Variants in AUTS2 observed in about 807,000 individuals in gnomAD.
The protein encoded by AUTS2 is autism susceptibility gene 2 protein.
AUTS2 carries 17 observed loss-of-function variants against 112.4 expected under a neutral mutation model. The observed-to-expected ratio is 0.15, with a 90% CI of 0.10 to 0.23. The LOEUF is 0.23. AUTS2 is among the 10% of genes least tolerant of loss of function. The pLI is 1.00. For synonymous variants in AUTS2, 751 were observed against 702.7 expected, an observed-to-expected ratio of 1.07 and a Z score of -1.09; for missense variants, 1,510 against 1,701.6, an observed-to-expected ratio of 0.89 and a Z score of 1.98.
chr7:69,799,321 A>G (rs1042095194), intron 1 of AUTS2, among the ~76,000 whole-genome samples: 2 of 152,170 alleles, frequency 1.3e-5, no homozygotes, highest in African/African-American at 4.8e-5. Flanking sequence ...ACCAATAGAC[A>G]TGGGGTCTGT....
At chr7:69,850,121 C>A (rs1792397190) in intron 1 of AUTS2, among the ~76,000 whole-genome samples, 1 of 151,586 alleles carries the variant, frequency 6.6e-6, no homozygotes, top group South Asian at 2.1e-4. Flanking sequence ...ATGGTGAAAC[C>A]CCATCTCTAC....
intron 5 of AUTS2, among the ~76,000 whole-genome samples, chr7:70,604,952 A>G (rs1419524501): frequency 6.6e-6 from 1 of 152,234 alleles, no homozygotes; most frequent in Non-Finnish European, 1.5e-5. Flanking sequence ...AATAAAAATC[A>G]GATTTCTTCA....
rs117955729 is a variant in AUTS2, at chr7:70,638,515, G to A, written c.691-60054G>A. Among the ~76,000 whole-genome samples, 733 of 151,906 alleles carry A rather than the reference G, an allele frequency of 4.8e-3. 3 individuals are homozygous for A. Among genetic ancestry groups the A allele is most frequent in the Non-Finnish European group, 7.4e-3 (505 of 67,956 alleles). On this transcript the variant is annotated intron_variant, in intron 5 of 18. Coordinates refer to ENST00000342771, the MANE Select transcript of AUTS2 (RefSeq NM_015570.4). ...CTTTTCAAGAATTATGCCGTCGTTGGCATTACAGTATTACACACATGCCTG... is the reference window on the plus strand; with the variant it reads ...CTTTTCAAGAATTATGCCGTCGTTGACATTACAGTATTACACACATGCCTG...
chr7:69,805,924 G>T (rs1243314398), intron 1 of AUTS2, among the ~76,000 whole-genome samples: 6 of 151,832 alleles, frequency 4.0e-5, no homozygotes, highest in Non-Finnish European at 8.8e-5. Flanking sequence ...TTTGAGACAG[G>T]GTCTTACTCT....
intron 2 of AUTS2, among the ~76,000 whole-genome samples, chr7:70,099,237 C>T (rs1359153643): frequency 6.6e-6 from 1 of 152,152 alleles, no homozygotes; most frequent in Non-Finnish European, 1.5e-5. Flanking sequence ...GAATCTGGTA[C>T]ATGTTCTTGT....
At chr7:70,762,431 T>C (rs1789624199) in intron 6 of AUTS2, among the ~76,000 whole-genome samples, 1 of 151,538 alleles carries the variant, frequency 6.6e-6, no homozygotes, top group South Asian at 2.1e-4. Flanking sequence ...CCACCACACC[T>C]GGCTAATTTT....
chr7:70,276,028 A>G (rs1181720051), intron 4 of AUTS2, among the ~76,000 whole-genome samples: 1 of 152,158 alleles, frequency 6.6e-6, no homozygotes, highest in East Asian at 1.9e-4. Context: ...CTCTGCCTCC[A>G]TCTCTGTAGC....
intron 4 of AUTS2, among the ~76,000 whole-genome samples, chr7:70,265,205 A>G (rs1787359513): frequency 6.6e-6 from 1 of 152,214 alleles, no homozygotes; most frequent in African/African-American, 2.4e-5. Flanking sequence ...TTATAGGTGA[A>G]GCAATGACTT....
intron 4 of AUTS2, among the ~76,000 whole-genome samples, chr7:70,324,075 C>T (rs573448100): frequency 6.6e-6 from 1 of 152,288 alleles, no homozygotes; most frequent in South Asian, 2.1e-4. Flanking sequence ...TGTTGACACT[C>T]AGATTTGGTT....
At chr7:70,207,525 C>T (rs1467425263) in intron 4 of AUTS2, among the ~76,000 whole-genome samples, 1 of 152,148 alleles carries the variant, frequency 6.6e-6, no homozygotes, top group Non-Finnish European at 1.5e-5. Context: ...TAGAATCAGA[C>T]CATTGAGGAT....
At chr7:69,622,068 T>A (rs1793693594) in intron 1 of AUTS2, among the ~76,000 whole-genome samples, 1 of 152,218 alleles carries the variant, frequency 6.6e-6, no homozygotes, top group Non-Finnish European at 1.5e-5. Context: ...GCCTTGATTC[T>A]TGGTGTTTTA....
chr7:70,294,937 T>C (rs1038629425), intron 4 of AUTS2, among the ~76,000 whole-genome samples: 5 of 151,756 alleles, frequency 3.3e-5, no homozygotes, highest in African/African-American at 1.2e-4. Flanking sequence ...TTATAGATCA[T>C]GAAGACATAG....
At chr7:70,564,380 A>G (rs1439355396) in intron 5 of AUTS2, among the ~76,000 whole-genome samples, 1 of 152,208 alleles carries the variant, frequency 6.6e-6, no homozygotes, top group Non-Finnish European at 1.5e-5. Context: ...CCCAGCACAT[A>G]AAAATATATC....
At chr7:69,924,923 G>C (rs1795949297) in intron 2 of AUTS2, among the ~76,000 whole-genome samples, 2 of 152,182 alleles carry the variant, frequency 1.3e-5, no homozygotes, top group African/African-American at 4.8e-5. Context: ...TCTTTCTGTG[G>C]AAAGGTTTTA....
chr7:70,727,092 A>T (rs1787080435), intron 6 of AUTS2, among the ~76,000 whole-genome samples: 1 of 152,158 alleles, frequency 6.6e-6, no homozygotes, highest in Non-Finnish European at 1.5e-5. Context: ...AACATCGGTA[A>T]TGTAACTTTC....
intron 5 of AUTS2, among the ~76,000 whole-genome samples, chr7:70,471,802 G>A (rs528767595): frequency 4.6e-5 from 7 of 152,086 alleles, no homozygotes; most frequent in East Asian, 3.9e-4. Context: ...ATGTGGATCC[G>A]GTGGGTGTAT....
chr7:69,897,282 G>A (rs1794788703), intron 1 of AUTS2, among the ~76,000 whole-genome samples: 1 of 152,200 alleles, frequency 6.6e-6, no homozygotes, highest in African/African-American at 2.4e-5. Flanking sequence ...GCGTTAGTTT[G>A]TCCAGGCTGC....
At chr7:70,659,705 C>CT (rs1806968302) in intron 5 of AUTS2, among the ~76,000 whole-genome samples, 1 of 152,184 alleles carries the variant, frequency 6.6e-6, no homozygotes, top group Non-Finnish European at 1.5e-5. Context: ...CTTTGTGGCG[C>CT]TTCTTTATTT....
chr7:69,911,670 A>C (rs1032283406), intron 2 of AUTS2, among the ~76,000 whole-genome samples: 3 of 152,048 alleles, frequency 2.0e-5, no homozygotes, highest in Non-Finnish European at 4.4e-5. Context: ...GGCGAGCCGC[A>C]GTGGTAGCTC....
Sources: allele counts gnomAD v4.1 joint callset (sites outside exome capture counted in the v4.1 genomes callset), GRCh38; gene constraint gnomAD v4.1.1; transcripts MANE v1.5; gene names NCBI Gene and HGNC (gene_info 2026-07-23, HGNC 2026-07-21).